The following ZFYVE28 variants were observed in gnomAD, a reference collection of about 807,000 sequenced individuals.
ZFYVE28 encodes lateral signaling target protein 2 homolog.
ZFYVE28 carries 40 observed loss-of-function variants against 82.1 expected under a neutral mutation model. That is an observed-to-expected ratio of 0.49 (90% CI 0.38 to 0.63). The LOEUF (loss-of-function observed/expected upper bound fraction) is 0.63. Ranked by LOEUF, ZFYVE28 falls within the 30% of genes least tolerant of loss-of-function variation. The pLI is 0.00. For synonymous variants in ZFYVE28, 612 were observed against 546.1 expected (o/e 1.12, Z -1.68); for missense variants, 1,321 against 1,242.1 (o/e 1.06, Z -0.96).
intron 1 of ZFYVE28, among the ~76,000 whole-genome samples, chr4:2,365,794 A>G (rs1726820108): frequency 6.6e-6 from 1 of 152,200 alleles, no homozygotes; most frequent in Non-Finnish European, 1.5e-5. Flanking sequence ...TGATACCAGA[A>G]GGCCCCAACT....
At position 2,339,475 on chromosome 4, in the gene ZFYVE28, G is replaced by A. The variant is rs2108861237; in HGVS notation, c.499C>T (p.Leu167=). ...MREALRHFDV[L]FAEFELSYVS... Reference sequence around the variant, plus strand: ...TACCTGAGCTCAAACTCTGCGAACAGGACGTCGAAGTGCCTCAGCGCTTCC... The same window carrying A: ...TACCTGAGCTCAAACTCTGCGAACAAGACGTCGAAGTGCCTCAGCGCTTCC... Residue 167 remains leucine (L), a synonymous_variant, in exon 4 of 13, where the codon CTG becomes TTG. Transcript: ENST00000290974. This position sits in a 1 kb window ranked among gnomAD's most constrained non-coding sequence, Gnocchi z 5.0. The A allele has an allele frequency of 6.2e-7, 1 of 1,613,926 alleles. No individual in the cohort carries two copies. Among genetic ancestry groups the A allele is most frequent in the Non-Finnish European group, 8.5e-7 (1 of 1,179,974 alleles).
At chr4:2,303,954 C>G (rs1381783269) in intron 8 of ZFYVE28, among the ~76,000 whole-genome samples, 1 of 152,244 alleles carries the variant, frequency 6.6e-6, no homozygotes, top group East Asian at 1.9e-4. Context: ...GCGGCTCACA[C>G]CAGGGGCGGG....
At chr4:2,368,679 C>T (rs958137396) in intron 1 of ZFYVE28, among the ~76,000 whole-genome samples, 8 of 152,232 alleles carry the variant, frequency 5.3e-5, no homozygotes, top group African/African-American at 1.9e-4. Flanking sequence ...CTGTGTGCCA[C>T]TGTGTGGATG....
At chr4:2,324,194 A>G (rs1303404519) in intron 6 of ZFYVE28, among the ~76,000 whole-genome samples, 4 of 152,166 alleles carry the variant, frequency 2.6e-5, no homozygotes, top group African/African-American at 9.7e-5. Context: ...GGCAGCTCCA[A>G]TCCAAGGAGT....
intron 8 of ZFYVE28, among the ~76,000 whole-genome samples, chr4:2,276,127 G>A (rs1439920527): frequency 6.6e-6 from 1 of 152,164 alleles, no homozygotes; most frequent in Non-Finnish European, 1.5e-5. Context: ...AGAATTCAGG[G>A]CAGCGGGCTG....
chr4:2,288,686 G>A (rs1029764396), intron 8 of ZFYVE28, among the ~76,000 whole-genome samples: 3 of 152,270 alleles, frequency 2.0e-5, no homozygotes, highest in East Asian at 1.9e-4. Context: ...TCTGTAAAAC[G>A]GGAAAGTGAG....
chr4:2,387,937 AG>A (rs1463890354), intron 1 of ZFYVE28, among the ~76,000 whole-genome samples: 1 of 152,210 alleles, frequency 6.6e-6, no homozygotes, highest in African/African-American at 2.4e-5. Context: ...CCACAGGAAA[AG>A]GGCCCCACAT....
At chr4:2,321,761 G>T (rs1438495041) in intron 6 of ZFYVE28, among the ~76,000 whole-genome samples, 1 of 152,090 alleles carries the variant, frequency 6.6e-6, no homozygotes, top group African/African-American at 2.4e-5. Context: ...TCCCTCCCCT[G>T]CTGAGCATAG....
chr4:2,390,428 G>C (rs2354522), intron 1 of ZFYVE28, among the ~76,000 whole-genome samples: 1 of 152,084 alleles, frequency 6.6e-6, no homozygotes, highest in African/African-American at 2.4e-5. Context: ...AGGGAGCCCC[G>C]TGTGTCTCAC....
rs539156994 is a variant in ZFYVE28 at position 2,402,526 on chromosome 4, G to A, written c.39+15759C>T. Among the ~76,000 whole-genome samples, 14 of 152,320 alleles carry A rather than the reference G, an allele frequency of 9.2e-5. 1 individual carries two copies. Among genetic ancestry groups the A allele is most frequent in the African/African-American group, 2.6e-4 (11 of 41,568 alleles). Reference sequence around the variant, plus strand: ...TCCTCAAGCCAGGACTGCATGTGAGGAAGACAGCGCCAGCATCACTGTTTC... The same window carrying A: ...TCCTCAAGCCAGGACTGCATGTGAGAAAGACAGCGCCAGCATCACTGTTTC... On this transcript the variant is annotated intron_variant, in intron 1 of 12. Coordinates refer to ENST00000290974, the MANE Select transcript of ZFYVE28 (RefSeq NM_020972.3).
At chr4:2,270,897 G>A (rs1170275638) in intron 12 of ZFYVE28, 41 bp from the exon 13 acceptor site, 9 of 1,601,478 alleles carry the variant, frequency 5.6e-6, no homozygotes, top group Non-Finnish European at 7.7e-6. Context: ...CGGCAGACCA[G>A]CCCCACCCAC....
At position 2,409,695 on chromosome 4, in the gene ZFYVE28, G is replaced by A. The variant is rs533526058; in HGVS notation, c.39+8590C>T. Among the ~76,000 whole-genome samples the A allele has an allele frequency of 6.6e-6, 1 of 152,254 alleles. No individual in the cohort carries two copies. The highest frequency in any genetic ancestry group is 2.4e-5 in the African/African-American group (1 of 41,458). On this transcript the variant is annotated intron_variant, in intron 1 of 12. Coordinates refer to ENST00000290974, the MANE Select transcript of ZFYVE28 (RefSeq NM_020972.3). This position sits in a 1 kb window ranked among gnomAD's most constrained non-coding sequence, Gnocchi z 4.4. ...CTGAGTCCAGTACACCCACGGTGGG[G>A]TGGGGGGGCTGACCCCTGCGGGCAG...
chr4:2,382,775 T>G (rs948341494), intron 1 of ZFYVE28, among the ~76,000 whole-genome samples: 38 of 152,240 alleles, frequency 2.5e-4, no homozygotes, highest in African/African-American at 9.1e-4. Flanking sequence ...AGGCTGCTGA[T>G]AAAGACACGC....
chr4:2,270,998 G>A (rs1405731045), intron 12 of ZFYVE28, 142 bp from the exon 13 acceptor site: 2 of 1,290,442 alleles, frequency 1.5e-6, no homozygotes, highest in Admixed American at 4.3e-5. Context: ...CAGGGGTTGT[G>A]ACCTTCAGGA....
Position 2,332,105 on chromosome 4 carries a change from C to A in ZFYVE28, c.701+3600G>T, listed in dbSNP as rs1274850829. 2.0e-5 allele frequency among the ~76,000 whole-genome samples: 3 copies of A among 152,160 alleles called. No homozygotes were observed. The highest frequency in any genetic ancestry group is 4.4e-5 in the Non-Finnish European group (3 of 68,008). On this transcript the variant is annotated intron_variant, in intron 6 of 12. Transcript: ENST00000290974. This position sits in a 1 kb window ranked among gnomAD's most constrained non-coding sequence, Gnocchi z 4.7. Reference sequence around the variant, plus strand: ...CTGACACTGTGTGCTGGAGAAGGGACTGGGGCTCTCGGGCAGCAGCACAGT... The same window carrying A: ...CTGACACTGTGTGCTGGAGAAGGGAATGGGGCTCTCGGGCAGCAGCACAGT...
At chr4:2,297,340 C>A (rs894266309) in intron 8 of ZFYVE28, among the ~76,000 whole-genome samples, 1 of 152,200 alleles carries the variant, frequency 6.6e-6, no homozygotes, top group Admixed American at 6.5e-5. Flanking sequence ...AGACCGGCTG[C>A]AGGCTCTCCT....
chr4:2,303,933 C>T (rs986786039), intron 8 of ZFYVE28, among the ~76,000 whole-genome samples: 22 of 152,362 alleles, frequency 1.4e-4, no homozygotes, highest in South Asian at 6.2e-4. Context: ...CCCACTGCCC[C>T]GCACAGGCAC....
intron 8 of ZFYVE28, among the ~76,000 whole-genome samples, chr4:2,284,422 C>A (rs990075923): frequency 6.6e-6 from 1 of 152,132 alleles, no homozygotes; most frequent in Admixed American, 6.5e-5. Flanking sequence ...AGGAGGAGAG[C>A]GCGACGGGGC....
At chr4:2,291,047 GC>G (rs1324513616) in intron 8 of ZFYVE28, among the ~76,000 whole-genome samples, 4 of 152,220 alleles carry the variant, frequency 2.6e-5, no homozygotes, top group Non-Finnish European at 5.9e-5. Context: ...GTGTGCTCCT[GC>G]CCCCGGCACA....
Sources: allele counts gnomAD v4.1 joint callset (sites outside exome capture counted in the v4.1 genomes callset), GRCh38; gene constraint gnomAD v4.1.1; non-coding constraint Gnocchi (gnomAD v3.1); transcripts MANE v1.5; gene names NCBI Gene and HGNC (gene_info 2026-07-23, HGNC 2026-07-21).